Variants in STK32C observed in about 807,000 individuals in gnomAD.
The protein encoded by STK32C is serine/threonine-protein kinase 32C.
Under a neutral mutation model 56.5 loss-of-function variants are expected in STK32C, and 31 were observed. That is an observed-to-expected ratio of 0.55 (90% CI 0.41 to 0.74). STK32C has a LOEUF of 0.74. Among genes scored for constraint, STK32C ranks in the 30% least tolerant of loss-of-function variants. The pLI, the probability that STK32C is intolerant of heterozygous loss-of-function variation, is 0.00. For missense variants in STK32C, 544 were observed against 676.9 expected (o/e 0.80, Z 2.18); for synonymous variants, 309 against 289.4 (o/e 1.07, Z -0.69).
At chr10:132,270,010 G>T (rs1168718683) in intron 1 of STK32C, among the ~76,000 whole-genome samples, 1 of 152,244 alleles carries the variant, frequency 6.6e-6, no homozygotes. Flanking sequence ...TGAGAACCCT[G>T]CAGAGTTTAC....
At chr10:132,217,774 A>C (rs2062516399) in intron 10 of STK32C, among the ~76,000 whole-genome samples, 1 of 152,172 alleles carries the variant, frequency 6.6e-6, no homozygotes, top group Non-Finnish European at 1.5e-5. Context: ...GCCTGCCGCC[A>C]TCCATGTAAG....
intron 1 of STK32C, among the ~76,000 whole-genome samples, chr10:132,268,904 T>A (rs2064713238): frequency 6.8e-6 from 1 of 147,850 alleles, no homozygotes; most frequent in African/African-American, 2.5e-5. Context: ...TGTGTGTGCA[T>A]GCATGTGCAT....
At chr10:132,295,643 C>CG (rs572214366) in intron 1 of STK32C, among the ~76,000 whole-genome samples, 1 of 152,030 alleles carries the variant, frequency 6.6e-6, no homozygotes. Flanking sequence ...CCCAGCACTT[C>CG]GGGGGGCCGA....
chr10:132,283,068 C>T (rs903710642), intron 1 of STK32C, among the ~76,000 whole-genome samples: 3 of 152,244 alleles, frequency 2.0e-5, no homozygotes, highest in Non-Finnish European at 4.4e-5. Flanking sequence ...AACCCGGGGG[C>T]AGCAGAGAAG....
intron 10 of STK32C, among the ~76,000 whole-genome samples, chr10:132,210,292 T>C (rs2062251102): frequency 6.6e-6 from 1 of 152,240 alleles, no homozygotes; most frequent in East Asian, 1.9e-4. Flanking sequence ...GGTCTCGCTC[T>C]GTCACCCAGA....
chr10:132,231,585 A>G (rs891382946), intron 2 of STK32C, among the ~76,000 whole-genome samples: 5 of 152,224 alleles, frequency 3.3e-5, no homozygotes, highest in African/African-American at 1.2e-4. Context: ...TGCGTCCCCA[A>G]AAGACACAGC....
chr10:132,279,088 A>T (rs2065075334), intron 1 of STK32C, among the ~76,000 whole-genome samples: 1 of 152,182 alleles, frequency 6.6e-6, no homozygotes, highest in South Asian at 2.1e-4. Flanking sequence ...GCCCTTCTAG[A>T]AGCAATTAGC....
At chr10:132,280,086 GGTGATCACACCCCTGCATTCC>G (rs1415112590) in intron 1 of STK32C, among the ~76,000 whole-genome samples, 1 of 90,412 alleles carries the variant, frequency 1.1e-5, no homozygotes, top group Non-Finnish European at 2.2e-5. Flanking sequence ...CCCTGCACTC[GGTGATCACACCCCTGCATTCC>G]GTGATCACTC....
intron 11 of STK32C, among the ~76,000 whole-genome samples, chr10:132,208,776 C>T (rs983111817): frequency 3.3e-5 from 5 of 152,158 alleles, no homozygotes; most frequent in African/African-American, 1.2e-4. Context: ...TAGGAAGTCA[C>T]CACCCCTCAT....
intron 1 of STK32C, among the ~76,000 whole-genome samples, chr10:132,297,268 C>G (rs1032783422): frequency 1.8e-4 from 27 of 152,368 alleles, no homozygotes; most frequent in African/African-American, 6.3e-4. Context: ...TGGCCATCCC[C>G]AGCGTGTCCA....
At chr10:132,277,280 G>C (rs1229515088) in intron 1 of STK32C, among the ~76,000 whole-genome samples, 1 of 152,170 alleles carries the variant, frequency 6.6e-6, no homozygotes, top group Admixed American at 6.5e-5. Context: ...GAGCCAGGGA[G>C]GACACCAGCA....
rs1004485288 is a variant in STK32C, at chr10:132,307,301, C to T, written c.262+271G>A. The T allele has an allele frequency of 3.4e-6, 1 of 297,770 alleles. No homozygotes were observed. The highest frequency in any genetic ancestry group is 6.2e-6 in the Non-Finnish European group (1 of 162,074). 18.4% of individuals were successfully genotyped at this position (297,770 alleles called of 1,614,324 possible). On this transcript the variant is annotated intron_variant, in intron 1 of 11. Transcript: ENST00000298630. This position sits in a 1 kb window ranked among gnomAD's most constrained non-coding sequence, Gnocchi z 4.4. ...CGGTGGGCGGAGGCGCGCGCAAGCCCGGAGACGCCACAGCCGCGGGGGACC... is the reference window on the plus strand; with the variant it reads ...CGGTGGGCGGAGGCGCGCGCAAGCCTGGAGACGCCACAGCCGCGGGGGACC...
At chr10:132,304,343 C>A (rs2065996583) in intron 1 of STK32C, among the ~76,000 whole-genome samples, 1 of 152,196 alleles carries the variant, frequency 6.6e-6, no homozygotes, top group South Asian at 2.1e-4. Flanking sequence ...CAAACCCCCC[C>A]AGTTCACCCA....
At position 132,268,436 on chromosome 10, in the gene STK32C, G is replaced by A. The variant is rs556122526; in HGVS notation, c.263-22481C>T. 1.9e-3 allele frequency among the ~76,000 whole-genome samples: 256 copies of A among 135,754 alleles called. 1 individual carries two copies. Among genetic ancestry groups the A allele is most frequent in the Admixed American group, 3.9e-3 (51 of 12,934 alleles). 89.1% of individuals were successfully genotyped at this position (135,754 alleles called of 152,430 possible). ...GTGCATGCATGTGTATGCAGGTGCA[G>A]CTCTATGCCTGTGTGCATGCATGTC... On this transcript the variant is annotated intron_variant, in intron 1 of 11. Coordinates refer to ENST00000298630, the MANE Select transcript of STK32C (RefSeq NM_173575.4).
downstream of STK32C, among the ~76,000 whole-genome samples, chr10:132,322,558 G>A (rs543149358): frequency 1.1e-4 from 17 of 152,212 alleles, no homozygotes; most frequent in East Asian, 3.9e-4. Flanking sequence ...TTGCACTGGC[G>A]CATAGCATAC....
chr10:132,210,666 C>G (rs915757659), intron 10 of STK32C, among the ~76,000 whole-genome samples: 1 of 152,262 alleles, frequency 6.6e-6, no homozygotes, highest in African/African-American at 2.4e-5. Context: ...CAGGGATTTG[C>G]TGACGTGCGT....
In STK32C at chr10:132,224,626, C is replaced by A. The variant is rs911929972; in HGVS notation, c.877-103G>T. On this transcript the variant is annotated intron_variant, in intron 7 of 11. Transcript: ENST00000298630. Reference sequence around the variant, plus strand: ...TCGCCCTGAGAGGACCCCCTCCCCCCACCCCAAGTGCAGGCACAGCTCTGA... The same window carrying A: ...TCGCCCTGAGAGGACCCCCTCCCCCAACCCCAAGTGCAGGCACAGCTCTGA... 1.8e-5 allele frequency: 15 copies of A among 821,900 alleles called. No individual in the cohort carries two copies. The Admixed American group carries it at 2.2e-4, about 12-fold the overall frequency. The allele number at this position is 821,900 out of a possible 1,614,324, so 50.9% of individuals were successfully genotyped here. A position where few individuals can be genotyped will look rare whatever the true frequency, so the allele number is the denominator to read the frequency against.
At chr10:132,296,690 G>A (rs561878599) in intron 1 of STK32C, among the ~76,000 whole-genome samples, 117 of 152,266 alleles carry the variant, frequency 7.7e-4, no homozygotes, top group African/African-American at 2.4e-3. Flanking sequence ...GAAAGAGATC[G>A]TCCTGGCACA....
rs766882774 is a variant in STK32C, at chr10:132,222,832, C to G, written c.1119+29G>C. 5.7e-6 allele frequency: 9 copies of G among 1,590,232 alleles called. No homozygotes were observed. The Admixed American group carries it at 1.4e-4, about 25-fold the overall frequency. On this transcript the variant is annotated intron_variant, in intron 9 of 11. Transcript: ENST00000298630. ...GAGGACGCCACATCCATCCCCAGGG[C>G]CCCCCACCTGAGCCGCCCACAGGCT...
Sources: gnomAD v4.1 joint callset for allele counts (sites outside exome capture counted in the v4.1 genomes callset) on GRCh38, gnomAD v4.1.1 for gene constraint, Gnocchi (gnomAD v3.1) non-coding constraint, MANE v1.5 for transcripts, NCBI Gene and HGNC (gene_info 2026-07-23, HGNC 2026-07-21) for gene names.